The following ARHGAP1 variants were observed in gnomAD, a reference collection of about 807,000 sequenced individuals.
ARHGAP1 encodes Rho GTPase activating protein 1.
In ARHGAP1, 23 loss-of-function variants were observed where a neutral mutation model predicts 52.2. The ratio of observed to expected loss-of-function variants is 0.44; its 90% CI spans 0.32 to 0.62. The LOEUF (loss-of-function observed/expected upper bound fraction) is 0.62, where lower values mean the gene tolerates loss of function less well. ARHGAP1 is among the 20% of genes least tolerant of loss of function. The pLI is 0.05. For synonymous variants in ARHGAP1, 210 were observed against 228.4 expected (o/e 0.92, Z 0.73); for missense variants, 480 against 560.9 (o/e 0.86, Z 1.46).
chr11:46,694,248 C>T (rs2064635881), intron 3 of ARHGAP1, among the ~76,000 whole-genome samples: 1 of 152,140 alleles, frequency 6.6e-6, no homozygotes, highest in Non-Finnish European at 1.5e-5. Flanking sequence ...CTCCCCCACC[C>T]CCATCCTACC....
rs749461737 is a variant in ARHGAP1 at position 46,700,550 on chromosome 11, C to T, written c.-50+1G>A. ...GGGAGACCCCGCGCCCAGCAGCTCACCGCGCTCGGGCACTGCTCCCTCTGC... is the reference window on the plus strand; with the variant it reads ...GGGAGACCCCGCGCCCAGCAGCTCATCGCGCTCGGGCACTGCTCCCTCTGC... On this transcript the variant is annotated splice_donor_variant, in intron 1 of 12. Coordinates refer to ENST00000311956, the MANE Select transcript of ARHGAP1 (RefSeq NM_004308.5). LOFTEE classifies it low-confidence loss of function (5UTR_SPLICE). 2 of 176,682 alleles carry T rather than the reference C, an allele frequency of 1.1e-5. No homozygotes were observed. The highest frequency in any genetic ancestry group is 2.4e-5 in the Non-Finnish European group (2 of 82,010). 10.9% of individuals were successfully genotyped at this position (176,682 alleles called of 1,614,324 possible). A position where few individuals can be genotyped will look rare whatever the true frequency, so the allele number is the denominator to read the frequency against.
chr11:46,682,701 A>G (rs2064538175), intron 4 of ARHGAP1, among the ~76,000 whole-genome samples: 1 of 152,160 alleles, frequency 6.6e-6, no homozygotes, highest in Non-Finnish European at 1.5e-5. Context: ...AGTAATAATA[A>G]TAACAGTTCT....
intron 3 of ARHGAP1, among the ~76,000 whole-genome samples, chr11:46,689,402 G>T (rs192022265): frequency 1.3e-5 from 2 of 152,276 alleles, no homozygotes; most frequent in Non-Finnish European, 2.9e-5. Flanking sequence ...ACAGCATTTG[G>T]TATGGGTATG....
In ARHGAP1 at chr11:46,695,641, T is replaced by C; in HGVS notation, c.229+19A>G. On this transcript the variant is annotated intron_variant, in intron 3 of 12. Coordinates refer to ENST00000311956, the MANE Select transcript of ARHGAP1 (RefSeq NM_004308.5). Reference sequence around the variant, plus strand: ...CCAGGAGCTCTGAGGGTTAGGAAAATAGTGTTGGGTGTGCTTACCTGCCAC... The same window carrying C: ...CCAGGAGCTCTGAGGGTTAGGAAAACAGTGTTGGGTGTGCTTACCTGCCAC... 1 of 1,550,060 alleles carries C rather than the reference T, an allele frequency of 6.5e-7. No homozygotes were observed. The highest frequency in any genetic ancestry group is 2.4e-5 in the East Asian group (1 of 40,890).
chr11:46,680,802 C>G lies in ARHGAP1; in HGVS notation c.636-55G>C. ...CCTGCCTGGCTCTGGAGTCACTCTG[C>G]CAATTCAATCAAGCATTGACCACGC... On this transcript the variant is annotated intron_variant, in intron 7 of 12. Coordinates refer to ENST00000311956, the MANE Select transcript of ARHGAP1 (RefSeq NM_004308.5). The surrounding 1 kb of genome is among the most constrained non-coding windows in gnomAD (Gnocchi z 5.9). 1 of 1,357,842 alleles carries G rather than the reference C, an allele frequency of 7.4e-7. No individual in the cohort carries two copies. The highest frequency in any genetic ancestry group is 1.0e-6 in the Non-Finnish European group (1 of 997,154). The allele number at this position is 1,357,842 out of a possible 1,614,324, so 84.1% of individuals were successfully genotyped here.
Position 46,681,296 on chromosome 11 carries a change from A to C in ARHGAP1, c.533T>G (p.Ile178Ser). The C allele has an allele frequency of 6.2e-7, 1 of 1,612,120 alleles. No homozygotes were observed. Among genetic ancestry groups the C allele is most frequent in the Non-Finnish European group, 8.5e-7 (1 of 1,178,180 alleles). The stretch of plus-strand genomic sequence containing the variant: ...AGCCCTGCCCGTGGCCACTCACCTG[A>C]TGAGGGGCTTGAAGAGGATGAGCAG... ...KTLLILFKPL[I>S]SFKFGQKIFY... Residue 178 changes from isoleucine to serine, a missense_variant, in exon 6 of 13, where the codon ATC (isoleucine) becomes AGC (serine). Physicochemically the swap from Ile to Ser is moderately radical, Grantham distance 142. Coordinates refer to ENST00000311956, the MANE Select transcript of ARHGAP1 (RefSeq NM_004308.5). The surrounding 1 kb of genome is among the most constrained non-coding windows in gnomAD (Gnocchi z 5.7).
At position 46,695,687 on chromosome 11, in the gene ARHGAP1, C is replaced by T. The variant is rs1056661324; in HGVS notation, c.202G>A (p.Ala68Thr). The T allele has an allele frequency of 8.4e-6, 13 of 1,551,772 alleles. No individual in the cohort carries two copies. The highest frequency in any genetic ancestry group is 1.4e-5 in the African/African-American group (1 of 73,054). ...LKWDDPYYDI[A>T]RHQIVEVAGD... ...GCCACCTCCACGATCTGGTGCCGGG[C>T]GATGTCATAGTATGGGTCATCCCAC... The change falls in exon 3 of 13, where the codon GCC (alanine) becomes ACC (threonine). Residue 68 changes from alanine to threonine, a missense_variant. Coordinates refer to ENST00000311956, the MANE Select transcript of ARHGAP1 (RefSeq NM_004308.5).
Position 46,678,912 on chromosome 11 carries a change from G to T in ARHGAP1, c.*125C>A. On this transcript the variant is annotated 3_prime_UTR_variant, in exon 13 of 13. Coordinates refer to ENST00000311956, the MANE Select transcript of ARHGAP1 (RefSeq NM_004308.5). ...CCGTGAGGCGGGCTGGACAGAGGTG[G>T]GGGAGAGCATGCCTGATGGGTGGCT... The T allele has an allele frequency of 9.0e-7, 1 of 1,111,478 alleles. No individual in the cohort carries two copies. The highest frequency in any genetic ancestry group is 1.3e-6 in the Non-Finnish European group (1 of 786,310). The allele number at this position is 1,111,478 out of a possible 1,614,324, so 68.9% of individuals were successfully genotyped here. A position where few individuals can be genotyped will look rare whatever the true frequency, so the allele number is the denominator to read the frequency against.
In ARHGAP1 at chr11:46,696,026, T is replaced by C. The variant is rs552928389; in HGVS notation, c.82A>G (p.Ile28Val). Reference protein sequence around the residue: ...EALNQLKLASIDEKNWPSDEM... With the variant: ...EALNQLKLASVDEKNWPSDEM... ...TCCGAGGGCCAGTTCTTCTCATCGA[T>C]GGAGGCCAGCTTCAGCTGGTTCAGA... Residue 28 changes from isoleucine (I) to valine (V), a missense_variant, in exon 2 of 13, where the codon ATC becomes GTC. By Grantham distance (29) the Ile-to-Val change is conservative (BLOSUM62 3). Coordinates refer to ENST00000311956, the MANE Select transcript of ARHGAP1 (RefSeq NM_004308.5). The surrounding 1 kb of genome is among the most constrained non-coding windows in gnomAD (Gnocchi z 4.8). The C allele has an allele frequency of 6.2e-6, 10 of 1,614,186 alleles. No homozygotes were observed. The East Asian group carries it at 6.7e-5, about 11-fold the overall frequency.
At position 46,680,241 on chromosome 11, in the gene ARHGAP1, G is replaced by C. The variant is rs201607201; in HGVS notation, c.862C>G (p.Gln288Glu). ...EGIFRRSANT[Q>E]VVREVQQKYN... ...TTCTGCTGCACTTCCCGGACCACTTGGGTGTTGGCCGACCTCCGGAAGATG... is the reference window on the plus strand; with the variant it reads ...TTCTGCTGCACTTCCCGGACCACTTCGGTGTTGGCCGACCTCCGGAAGATG... The change falls in exon 10 of 13, where the codon CAA (glutamine) becomes GAA (glutamate). Residue 288 changes from glutamine (Q) to glutamate (E), a missense_variant. Coordinates refer to ENST00000311956, the MANE Select transcript of ARHGAP1 (RefSeq NM_004308.5). The surrounding 1 kb of genome is among the most constrained non-coding windows in gnomAD (Gnocchi z 5.9). The C allele has an allele frequency of 4.5e-4, 733 of 1,614,086 alleles. 6 individuals carry two copies. The highest frequency in any genetic ancestry group is 8.7e-5 in the Non-Finnish European group (103 of 1,180,030).
Position 46,698,362 on chromosome 11 carries a change from G to A in ARHGAP1, c.-50+2189C>T, listed in dbSNP as rs11828340. Among the ~76,000 whole-genome samples, 1,305 of 152,134 alleles carry A rather than the reference G, an allele frequency of 8.6e-3. 8 individuals are homozygous for A. Among genetic ancestry groups the A allele is most frequent in the African/African-American group, 0.03 (1,257 of 41,482 alleles). ...CATGCCTGTAATCCTAGCACTTTGG[G>A]AGCCCAAGGTGGGTGGGTCACCAGA... On this transcript the variant is annotated intron_variant, in intron 1 of 12. Transcript: ENST00000311956.
chr11:46,679,549 C>A lies in ARHGAP1; in HGVS notation c.1028-81G>T, dbSNP rs2064507440. The A allele has an allele frequency of 1.2e-6, 2 of 1,605,998 alleles. No individual in the cohort carries two copies. The highest frequency in any genetic ancestry group is 1.3e-5 in the African/African-American group (1 of 74,812). On this transcript the variant is annotated intron_variant, in intron 11 of 12. Coordinates refer to ENST00000311956, the MANE Select transcript of ARHGAP1 (RefSeq NM_004308.5). The surrounding 1 kb of genome is among the most constrained non-coding windows in gnomAD (Gnocchi z 4.4). ...GCTCTGATGCAGGCTAGAGGGGAGA[C>A]CCCCAGCAGTCTTCCCTGGGAGGCG...
At chr11:46,698,473 T>A (rs1333088467) in intron 1 of ARHGAP1, among the ~76,000 whole-genome samples, 2 of 149,688 alleles carry the variant, frequency 1.3e-5, no homozygotes, top group South Asian at 4.2e-4. Flanking sequence ...CCAGGCATGG[T>A]GGTGGGTGCC....
At position 46,679,510 on chromosome 11, in the gene ARHGAP1, G is replaced by C. The variant is rs769879177; in HGVS notation, c.1028-42C>G. The C allele has an allele frequency of 1.2e-6, 2 of 1,610,240 alleles. No homozygotes were observed. The highest frequency in any genetic ancestry group is 1.7e-6 in the Non-Finnish European group (2 of 1,177,132). ...CCCGGGTTATAGGGGCCCTAGGCTGGGCTGGTTCAGGACGCTCTGATGCAG... is the reference window on the plus strand; with the variant it reads ...CCCGGGTTATAGGGGCCCTAGGCTGCGCTGGTTCAGGACGCTCTGATGCAG... On this transcript the variant is annotated intron_variant, in intron 11 of 12. Transcript: ENST00000311956. This position sits in a 1 kb window ranked among gnomAD's most constrained non-coding sequence, Gnocchi z 4.4.
intron 4 of ARHGAP1, among the ~76,000 whole-genome samples, chr11:46,686,547 C>G (rs1434007314): frequency 6.6e-6 from 1 of 151,556 alleles, no homozygotes; most frequent in African/African-American, 2.4e-5. Context: ...TCCTGAGTAG[C>G]TGGGACTACA....
intron 4 of ARHGAP1, among the ~76,000 whole-genome samples, chr11:46,684,545 G>A (rs1035646999): frequency 6.6e-6 from 1 of 152,160 alleles, no homozygotes; most frequent in South Asian, 2.1e-4. Context: ...AATCAACCAC[G>A]TGACAACCAT....
rs1030241259 is a variant in ARHGAP1 at position 46,700,561 on chromosome 11, C to T, written c.-60G>A. 4.9e-5 allele frequency: 9 copies of T among 185,388 alleles called. No individual in the cohort carries two copies. The highest frequency in any genetic ancestry group is 9.2e-5 in the Non-Finnish European group (8 of 87,332). 11.5% of individuals were successfully genotyped at this position (185,388 alleles called of 1,614,324 possible). On this transcript the variant is annotated 5_prime_UTR_variant, in exon 1 of 13. Coordinates refer to ENST00000311956, the MANE Select transcript of ARHGAP1 (RefSeq NM_004308.5). ...CGCCCAGCAGCTCACCGCGCTCGGG[C>T]ACTGCTCCCTCTGCCACGCCTGTCA...
At position 46,677,183 on chromosome 11, in the gene ARHGAP1, C is replaced by G. The variant is rs541078810; in HGVS notation, c.*1854G>C. 1 of 152,628 alleles carries G rather than the reference C, an allele frequency of 6.6e-6. No individual in the cohort carries two copies. Among genetic ancestry groups the G allele is most frequent in the Non-Finnish European group, 1.5e-5 (1 of 68,052 alleles). 9.5% of individuals were successfully genotyped at this position (152,628 alleles called of 1,614,324 possible). A position where few individuals can be genotyped will look rare whatever the true frequency, so the allele number is the denominator to read the frequency against. On this transcript the variant is annotated 3_prime_UTR_variant, in exon 13 of 13. Transcript: ENST00000311956. Reference sequence around the variant, plus strand: ...TGTGAATGTGAACACTGGATTCACACAGTACAAGCACCCGCTCCCTGGGGT... The same window carrying G: ...TGTGAATGTGAACACTGGATTCACAGAGTACAAGCACCCGCTCCCTGGGGT...
In ARHGAP1 at chr11:46,696,245, T is replaced by G; in HGVS notation, c.-49-89A>C. On this transcript the variant is annotated intron_variant, in intron 1 of 12. Transcript: ENST00000311956. The surrounding 1 kb of genome is among the most constrained non-coding windows in gnomAD (Gnocchi z 4.8). The stretch of plus-strand genomic sequence containing the variant: ...CCGCGTGCCCTCCTGCCCCCACCAT[T>G]CCCTCTCCCAGGCTCCCTGTCCCTA... 1 of 848,546 alleles carries G rather than the reference T, an allele frequency of 1.2e-6. No homozygotes were observed. The highest frequency in any genetic ancestry group is 1.8e-6 in the Non-Finnish European group (1 of 559,686). The allele number at this position is 848,546 out of a possible 1,614,324, so 52.6% of individuals were successfully genotyped here.
Sources: allele counts gnomAD v4.1 joint callset (sites outside exome capture counted in the v4.1 genomes callset), GRCh38; gene constraint gnomAD v4.1.1; non-coding constraint Gnocchi (gnomAD v3.1); transcripts MANE v1.5; gene names NCBI Gene and HGNC (gene_info 2026-07-23, HGNC 2026-07-21).